The following CEP63 variants were observed in gnomAD, a reference collection of about 807,000 sequenced individuals.
CEP63 encodes centrosomal protein of 63 kDa.
CEP63 carries 84 observed loss-of-function variants against 89.1 expected under a neutral mutation model. The observed-to-expected ratio is 0.94, with a 90% CI of 0.79 to 1.13. CEP63 has a LOEUF of 1.13. Among genes scored for constraint, CEP63 ranks in the 50% most tolerant of loss-of-function variants. The pLI is 0.00. For synonymous variants in CEP63, 267 were observed against 272.5 expected (o/e 0.98, Z 0.20); for missense variants, 838 against 813.3 (o/e 1.03, Z -0.37).
the CEP63 span, among the ~76,000 whole-genome samples, chr3:134,725,680 A>G: frequency 2.6e-5 from 4 of 152,238 alleles, no homozygotes; most frequent in Non-Finnish European, 5.9e-5. Context: ...ACTGACTTGT[A>G]AGCACCAGAA....
intron 1 of CEP63, among the ~76,000 whole-genome samples, chr3:134,487,641 A>C (rs960681458): frequency 6.6e-6 from 1 of 152,186 alleles, no homozygotes; most frequent in Non-Finnish European, 1.5e-5. Context: ...TGAATCTCCG[A>C]TCTTTATGTT....
At chr3:134,501,057 A>G (rs764056921) in intron 2 of CEP63, among the ~76,000 whole-genome samples, 1 of 152,082 alleles carries the variant, frequency 6.6e-6, no homozygotes, top group South Asian at 2.1e-4. Flanking sequence ...TCTTCATACA[A>G]GTAGCCAGTT....
At chr3:134,738,808 C>A in the CEP63 span, among the ~76,000 whole-genome samples, 1 of 152,004 alleles carries the variant, frequency 6.6e-6, no homozygotes, top group Admixed American at 6.5e-5. Flanking sequence ...AGACATATAA[C>A]CTAATTTAAA....
downstream of CEP63, among the ~76,000 whole-genome samples, chr3:134,568,477 G>A (rs1484044040): frequency 1.3e-5 from 2 of 152,184 alleles, no homozygotes; most frequent in Non-Finnish European, 2.9e-5. Context: ...CAGTGGCTGG[G>A]GCAGGAGCTC....
At chr3:134,647,489 C>T in the CEP63 span, 2 of 1,607,094 alleles carry the variant, frequency 1.2e-6, no homozygotes, top group African/African-American at 1.3e-5. Flanking sequence ...TTTCCAACAC[C>T]TTGGAATCCT....
the CEP63 span, among the ~76,000 whole-genome samples, chr3:134,724,615 C>T: frequency 6.6e-6 from 1 of 152,144 alleles, no homozygotes; most frequent in Non-Finnish European, 1.5e-5. Flanking sequence ...GGCTATTAGG[C>T]ATATAAAATC....
the CEP63 span, chr3:134,604,517 G>A: frequency 1.0e-4 from 147 of 1,476,020 alleles, no homozygotes; most frequent in Middle Eastern, 2.5e-4. Context: ...GGTCCAGCAC[G>A]TGCTGATGTG....
intron 10 of CEP63, among the ~76,000 whole-genome samples, chr3:134,582,239 C>T (rs112983480): frequency 1.1e-4 from 16 of 152,122 alleles, no homozygotes; most frequent in African/African-American, 3.6e-4. Flanking sequence ...TGCAGATCTG[C>T]CACATAGGTA....
the CEP63 span, among the ~76,000 whole-genome samples, chr3:134,734,108 C>T: frequency 6.6e-6 from 1 of 152,190 alleles, no homozygotes; most frequent in Non-Finnish European, 1.5e-5. Context: ...CTCTAAGGCT[C>T]AGCAATCACA....
the CEP63 span, chr3:134,629,693 TC>T: frequency 6.3e-7 from 1 of 1,586,676 alleles, no homozygotes; most frequent in African/African-American, 1.3e-5. Context: ...GTCAGTTGTG[TC>T]CCTACAAAGG....
the CEP63 span, among the ~76,000 whole-genome samples, chr3:134,623,449 TC>T: frequency 6.6e-6 from 1 of 152,170 alleles, no homozygotes; most frequent in East Asian, 1.9e-4. Flanking sequence ...ATGTCTCAGG[TC>T]TTCTGCCTTT....
At chr3:134,608,875 A>G in the CEP63 span, 6 of 1,579,190 alleles carry the variant, frequency 3.8e-6, 1 homozygote, top group South Asian at 4.7e-5. Context: ...AGCCAGCTCC[A>G]TGCAGGGGAG....
chr3:134,497,917 G>A (rs766822148), intron 2 of CEP63, among the ~76,000 whole-genome samples: 15 of 151,956 alleles, frequency 9.9e-5, no homozygotes, highest in South Asian at 6.2e-4. Context: ...ATTCTGTTCC[G>A]TTGGTGTATG....
the CEP63 span, among the ~76,000 whole-genome samples, chr3:134,684,616 G>A: frequency 6.6e-6 from 1 of 152,336 alleles, no homozygotes; most frequent in South Asian, 2.1e-4. Flanking sequence ...AGGGCCGACT[G>A]GGCCGGGCAC....
At position 134,550,065 on chromosome 3, in the gene CEP63, G is replaced by T; in HGVS notation, c.1185G>T (p.Leu395Phe). The stretch of plus-strand genomic sequence containing the variant: ...CTTTCTTTTCTGCTTCTTTATAGTT[G>T]AAAGAACAGATTTTACAGGGTGAAC... ...NNEYKAEIKK[L>F]KEQILQGEQS... Residue 395 changes from leucine to phenylalanine, a missense_variant and splice_region_variant, in exon 11 of 15, where the codon TTG becomes TTT. Coordinates refer to ENST00000675561, the MANE Select transcript of CEP63 (RefSeq NM_001353108.3). The T allele has an allele frequency of 6.2e-7, 1 of 1,611,590 alleles. No homozygotes were observed. Among genetic ancestry groups the T allele is most frequent in the Non-Finnish European group, 8.5e-7 (1 of 1,177,858 alleles).
intron 6 of CEP63, among the ~76,000 whole-genome samples, chr3:134,544,473 CAG>C (rs1467160165): frequency 6.6e-6 from 1 of 152,154 alleles, no homozygotes; most frequent in East Asian, 1.9e-4. Context: ...AAACTGATGA[CAG>C]AACCAATCTC....
intron 12 of CEP63, 94 bp downstream of exon 12, chr3:134,552,106 A>G (rs1373399700): frequency 7.2e-6 from 5 of 698,918 alleles, no homozygotes; most frequent in Non-Finnish European, 1.2e-5. Flanking sequence ...ATTAAGATCA[A>G]CTTAGATCCT....
the CEP63 span, among the ~76,000 whole-genome samples, chr3:134,606,169 T>C: frequency 6.6e-6 from 1 of 152,148 alleles, no homozygotes; most frequent in Non-Finnish European, 1.5e-5. Context: ...ATCTCACAAC[T>C]GGCTGTGAGT....
intron 10 of CEP63, among the ~76,000 whole-genome samples, chr3:134,581,172 C>T (rs4368544): frequency 0.32 from 48,427 of 152,122 alleles, 7,995 homozygotes; most frequent in African/African-American, 0.36. Context: ...TGAGTATAGC[C>T]CAGAGAACCT....
Sources: gnomAD v4.1 joint callset for allele counts (sites outside exome capture counted in the v4.1 genomes callset) on GRCh38, gnomAD v4.1.1 for gene constraint, MANE v1.5 for transcripts, NCBI Gene and HGNC (gene_info 2026-07-23, HGNC 2026-07-21) for gene names.